TBC1D16: variants seen among roughly 807,000 people sequenced by gnomAD.
TBC1D16 encodes TBC1 domain family member 16.
In TBC1D16, 58 loss-of-function variants were observed where a neutral mutation model predicts 74.7. The observed-to-expected ratio is 0.78, with a 90% confidence interval of 0.63 to 0.97. The LOEUF (loss-of-function observed/expected upper bound fraction) is 0.97. Ranked by LOEUF, TBC1D16 falls within the 50% of genes least tolerant of loss-of-function variation. TBC1D16 has a pLI of 0.00. For missense variants in TBC1D16, 1,014 were observed against 1,079.5 expected (o/e 0.94, Z 0.85); for synonymous variants, 493 against 474.7 (o/e 1.04, Z -0.50).
In TBC1D16 at chr17:80,021,674, A is replaced by G. The variant is rs573360465; in HGVS notation, c.-62-8065T>C. ...ATCACGCACCACATACCATAGGCAC[A>G]CACCATAGGCACACTGCATAAACAT... On this transcript the variant is annotated intron_variant, in intron 1 of 11. Coordinates refer to ENST00000310924, the MANE Select transcript of TBC1D16 (RefSeq NM_019020.4). Among the ~76,000 whole-genome samples the G allele has an allele frequency of 2.6e-4, 39 of 149,038 alleles. No homozygotes were observed. The South Asian group carries it at 7.4e-3, about 28-fold the overall frequency.
intron 3 of TBC1D16, among the ~76,000 whole-genome samples, chr17:80,006,021 TC>T (rs1453663022): frequency 6.6e-6 from 1 of 151,990 alleles, no homozygotes; most frequent in Non-Finnish European, 1.5e-5. Flanking sequence ...TGCTCTGCCC[TC>T]CGGGGGGACT....
chr17:80,004,641 C>T (rs752991638), intron 3 of TBC1D16, among the ~76,000 whole-genome samples: 1 of 152,188 alleles, frequency 6.6e-6, no homozygotes, highest in Non-Finnish European at 1.5e-5. Flanking sequence ...AGGAATACCA[C>T]GATGAACATC....
chr17:79,981,337 G>A lies in TBC1D16; in HGVS notation c.780-28519C>T, dbSNP rs140373565. Among the ~76,000 whole-genome samples, 767 of 152,282 alleles carry A rather than the reference G, an allele frequency of 5.0e-3. 7 individuals carry two copies. Among genetic ancestry groups the A allele is most frequent in the African/African-American group, 0.017 (706 of 41,548 alleles). Reference sequence around the variant, plus strand: ...TAGAGCAAAATGGCTGTTCACCAGCGGCGGGTATGTTCTTAGACCCTCCAT... The same window carrying A: ...TAGAGCAAAATGGCTGTTCACCAGCAGCGGGTATGTTCTTAGACCCTCCAT... On this transcript the variant is annotated intron_variant, in intron 3 of 11. Transcript: ENST00000310924. This position sits in a 1 kb window ranked among gnomAD's most constrained non-coding sequence, Gnocchi z 6.9.
intron 1 of TBC1D16, among the ~76,000 whole-genome samples, chr17:80,034,910 T>C (rs2143510589): frequency 6.6e-6 from 1 of 152,338 alleles, no homozygotes; most frequent in African/African-American, 2.4e-5. Context: ...TTAGGAGCCT[T>C]CTGGTAGAAA....
chr17:79,945,112 A>C, intron 9 of TBC1D16, 25 bp from the exon 10 acceptor site: 1 of 1,554,734 alleles, frequency 6.4e-7, no homozygotes, highest in Non-Finnish European at 8.7e-7. Context: ...GTCACGCGTT[A>C]GTTAGCTCCG....
intron 3 of TBC1D16, among the ~76,000 whole-genome samples, chr17:79,989,904 G>A (rs1282205810): frequency 6.6e-6 from 1 of 152,136 alleles, no homozygotes; most frequent in South Asian, 2.1e-4. Flanking sequence ...AGTCAGCCGA[G>A]GGGTCCCCAC....
In TBC1D16 at chr17:79,934,223, A is replaced by C. The variant is rs950972298; in HGVS notation, c.*6636T>G. 6 of 152,292 alleles carry C rather than the reference A, an allele frequency of 3.9e-5. No individual in the cohort carries two copies. Among genetic ancestry groups the C allele is most frequent in the East Asian group, 1.9e-4 (1 of 5,184 alleles). 9.4% of individuals were successfully genotyped at this position (152,292 alleles called of 1,614,324 possible). Reference sequence around the variant, plus strand: ...CACAGCAGAGGTGAACATGAGGATGATGCTGCGTCTGGGCTGTATCCAGGG... The same window carrying C: ...CACAGCAGAGGTGAACATGAGGATGCTGCTGCGTCTGGGCTGTATCCAGGG... On this transcript the variant is annotated 3_prime_UTR_variant, in exon 12 of 12. Transcript: ENST00000310924.
chr17:79,984,550 A>AAAAG (rs142903262), intron 3 of TBC1D16, among the ~76,000 whole-genome samples: 29,921 of 77,398 alleles, frequency 0.39, 4,488 homozygotes, highest in African/African-American at 0.55. Context: ...TTTATAATTA[A>AAAAG]AAAGAAAGAA....
At chr17:80,025,426 C>T (rs1210682667) in intron 1 of TBC1D16, among the ~76,000 whole-genome samples, 4 of 149,968 alleles carry the variant, frequency 2.7e-5, no homozygotes, top group African/African-American at 1.0e-4. Context: ...CACCTGTCAC[C>T]GGGCGGCAGG....
In TBC1D16 at chr17:79,980,537, GC is replaced by G. The variant is rs1451368807; in HGVS notation, c.780-27720del. On this transcript the variant is annotated intron_variant, in intron 3 of 11. Transcript: ENST00000310924. The surrounding 1 kb of genome is among the most constrained non-coding windows in gnomAD (Gnocchi z 7.0). ...CCTGGAGGACCCTGAAGATCACCAGGCCCAGTCTGTTCCTCTCCCTAACCAG... is the reference window on the plus strand; with the variant it reads ...CCTGGAGGACCCTGAAGATCACCAGGCCAGTCTGTTCCTCTCCCTAACCAG... 6.6e-6 allele frequency among the ~76,000 whole-genome samples: 1 copy of G among 152,138 alleles called. No individual in the cohort carries two copies. Among genetic ancestry groups the G allele is most frequent in the Non-Finnish European group, 1.5e-5 (1 of 68,032 alleles).
chr17:79,952,869 A>G (rs2033148783), intron 3 of TBC1D16, 51 bp from the exon 4 acceptor site: 4 of 1,560,132 alleles, frequency 2.6e-6, no homozygotes, highest in Non-Finnish European at 3.5e-6. Flanking sequence ...TGCCCACACT[A>G]CCCAGAGGGG....
At chr17:80,020,043 T>C (rs1031136806) in intron 1 of TBC1D16, among the ~76,000 whole-genome samples, 2 of 149,594 alleles carry the variant, frequency 1.3e-5, no homozygotes, top group Non-Finnish European at 2.9e-5. Flanking sequence ...AAAGAGGAAG[T>C]TGGTAGCAGG....
chr17:80,032,348 A>G (rs1039529542), intron 1 of TBC1D16, among the ~76,000 whole-genome samples: 1 of 152,210 alleles, frequency 6.6e-6, no homozygotes, highest in African/African-American at 2.4e-5. Context: ...TTCCGACTGG[A>G]CAGTGGATTT....
rs2034786408 is a variant in TBC1D16 at position 79,985,221 on chromosome 17, T to C, written c.779+24939A>G. Among the ~76,000 whole-genome samples the C allele has an allele frequency of 6.6e-6, 1 of 152,118 alleles. No individual in the cohort carries two copies. The highest frequency in any genetic ancestry group is 1.5e-5 in the Non-Finnish European group (1 of 68,012). On this transcript the variant is annotated intron_variant, in intron 3 of 11. Coordinates refer to ENST00000310924, the MANE Select transcript of TBC1D16 (RefSeq NM_019020.4). This position sits in a 1 kb window ranked among gnomAD's most constrained non-coding sequence, Gnocchi z 4.9. ...TCTGCCTCCATCTCCCTGCCCCTCC[T>C]GTGTCTGTGTGTCCGTCCGTGTCTT...
chr17:80,010,108 G>C lies in TBC1D16; in HGVS notation c.779+52C>G. 6 of 1,468,298 alleles carry C rather than the reference G, an allele frequency of 4.1e-6. No homozygotes were observed. Among genetic ancestry groups the C allele is most frequent in the Non-Finnish European group, 5.6e-6 (6 of 1,078,516 alleles). 91.0% of individuals were successfully genotyped at this position (1,468,298 alleles called of 1,614,324 possible). A position where few individuals can be genotyped will look rare whatever the true frequency, so the allele number is the denominator to read the frequency against. On this transcript the variant is annotated intron_variant, in intron 3 of 11. Transcript: ENST00000310924. The surrounding 1 kb of genome is among the most constrained non-coding windows in gnomAD (Gnocchi z 8.8). ...GACGCAGGTGAGTGCTTCCTGCCCA[G>C]GTCAGGCCTTGGGGGCCTCCCGAGA...
chr17:80,008,425 T>C lies in TBC1D16; in HGVS notation c.779+1735A>G, dbSNP rs1343314357. On this transcript the variant is annotated intron_variant, in intron 3 of 11. Coordinates refer to ENST00000310924, the MANE Select transcript of TBC1D16 (RefSeq NM_019020.4). This position sits in a 1 kb window ranked among gnomAD's most constrained non-coding sequence, Gnocchi z 4.5. ...GAGAGCTGACCGGCCAGCTTCTGGT[T>C]GTGGTTCTGCCACAGAATCCTCAGC... 2.0e-5 allele frequency among the ~76,000 whole-genome samples: 3 copies of C among 152,118 alleles called. No individual in the cohort carries two copies. Among genetic ancestry groups the C allele is most frequent in the Non-Finnish European group, 4.4e-5 (3 of 68,006 alleles).
intron 3 of TBC1D16, among the ~76,000 whole-genome samples, chr17:79,970,786 A>G (rs914355239): frequency 6.7e-6 from 1 of 149,128 alleles, no homozygotes; most frequent in Non-Finnish European, 1.5e-5. Flanking sequence ...GGGGAAATGC[A>G]TGCCTGAAAT....
chr17:79,940,898 G>A lies in TBC1D16; in HGVS notation c.2265C>T (p.Gly755=), dbSNP rs149758622. Residue 755 remains glycine (G), a synonymous_variant, in exon 12 of 12, where the codon GGC becomes GGT. Coordinates refer to ENST00000310924, the MANE Select transcript of TBC1D16 (RefSeq NM_019020.4). The surrounding 1 kb of genome is among the most constrained non-coding windows in gnomAD (Gnocchi z 5.4). ...SPKSLREGKK[G]PKTPQDGFGF... ...CGAAGCCGTCCTGCGGCGTCTTTGG[G>A]CCCTTCTTGCCTTCCCTCAGGGACT... 9 of 1,579,390 alleles carry A rather than the reference G, an allele frequency of 5.7e-6. No homozygotes were observed. The African/African-American group carries it at 1.2e-4, about 21-fold the overall frequency.
chr17:79,971,024 A>ATTTTTTTTTTTTTTT lies in TBC1D16; in HGVS notation c.780-18207_780-18206insAAAAAAAAAAAAAAA. ...ATTAATATACACTCCCTGTATTTTTATTTTTTATTTTTTTTTGAGATGGAG... is the reference window on the plus strand; with the variant it reads ...ATTAATATACACTCCCTGTATTTTTATTTTTTTTTTTTTTTTTTTTTATTTTTTTTTGAGATGGAG... On this transcript the variant is annotated intron_variant, in intron 3 of 11. Transcript: ENST00000310924. The surrounding 1 kb of genome is among the most constrained non-coding windows in gnomAD (Gnocchi z 4.6). Among the ~76,000 whole-genome samples the ATTTTTTTTTTTTTTT allele has an allele frequency of 6.9e-6, 1 of 144,152 alleles. No homozygotes were observed. Among genetic ancestry groups the ATTTTTTTTTTTTTTT allele is most frequent in the Non-Finnish European group, 1.5e-5 (1 of 66,148 alleles). The allele number at this position is 144,152 out of a possible 152,430, so 94.6% of individuals were successfully genotyped here.
Sources: gnomAD v4.1 joint callset for allele counts (sites outside exome capture counted in the v4.1 genomes callset) on GRCh38, gnomAD v4.1.1 for gene constraint, Gnocchi (gnomAD v3.1) non-coding constraint, MANE v1.5 for transcripts, NCBI Gene and HGNC (gene_info 2026-07-23, HGNC 2026-07-21) for gene names.